DNAH5: variants seen among roughly 807,000 people sequenced by gnomAD.
DNAH5 encodes axonemal beta dynein heavy chain 5.
Under a neutral mutation model 518.2 loss-of-function variants are expected in DNAH5, and 372 were observed. The observed-to-expected ratio is 0.72, with a 90% CI of 0.66 to 0.78. The LOEUF (loss-of-function observed/expected upper bound fraction) is 0.78. Ranked by LOEUF, DNAH5 falls within the 30% of genes least tolerant of loss-of-function variation. The pLI, the probability that DNAH5 is intolerant of heterozygous loss-of-function variation, is 0.00. For missense variants in DNAH5, 5,523 were observed against 5,687.0 expected (o/e 0.97, Z 0.93); for synonymous variants, 2,039 against 2,025.9 (o/e 1.01, Z -0.17).
At chr5:13,971,342 G>C (rs1258291896) in intron 1 of DNAH5, among the ~76,000 whole-genome samples, 1 of 152,142 alleles carries the variant, frequency 6.6e-6, no homozygotes, top group Non-Finnish European at 1.5e-5. Flanking sequence ...GGGTGTTAAA[G>C]AAACTTGTTT....
intron 47 of DNAH5, among the ~76,000 whole-genome samples, chr5:13,803,604 T>C (rs948411956): frequency 6.6e-6 from 1 of 152,188 alleles, no homozygotes; most frequent in African/African-American, 2.4e-5. Flanking sequence ...AGTACATCAG[T>C]CTTAACCGTA....
At chr5:13,807,549 T>C (rs369811235) in intron 47 of DNAH5, 42 bp downstream of exon 47, 174 of 1,601,868 alleles carry the variant, frequency 1.1e-4, no homozygotes, top group Middle Eastern at 3.3e-4. Context: ...CCAAAGTTTA[T>C]CACAAAATTG....
chr5:13,969,683 T>C (rs1198121967), intron 1 of DNAH5, among the ~76,000 whole-genome samples: 3 of 152,216 alleles, frequency 2.0e-5, no homozygotes, highest in East Asian at 3.8e-4. Context: ...CTTGATATAA[T>C]TTCAATTTTC....
intron 38 of DNAH5, among the ~76,000 whole-genome samples, chr5:13,829,137 T>C (rs943718392): frequency 1.3e-5 from 2 of 152,156 alleles, no homozygotes; most frequent in African/African-American, 2.4e-5. Context: ...CTTGGTCAAA[T>C]ACTCAAGTGA....
At chr5:13,815,267 G>A (rs1449236002) in intron 42 of DNAH5, among the ~76,000 whole-genome samples, 1 of 152,146 alleles carries the variant, frequency 6.6e-6, no homozygotes, top group East Asian at 1.9e-4. Context: ...TAAGGTGGTC[G>A]ATAAGATATT....
rs751527856 is a variant in DNAH5 at position 13,913,928 on chromosome 5, G to A, written c.1351C>T (p.Gln451Ter). Residue 451 changes from glutamine (Q) to a stop codon, truncating the protein, a stop_gained, in exon 11 of 79, where the codon CAA becomes TAA. Transcript: ENST00000265104. LOFTEE classifies it high-confidence loss of function. ...EYQLCFHKTK[Q>*]KLKQNPNAKQ... ...GCATTTGGATTTTGTTTAAGCTTTT[G>A]TTTTGTCTTGTGAAAGCAGAGCTGG... 1.2e-6 allele frequency: 2 copies of A among 1,613,188 alleles called. No homozygotes were observed. Among genetic ancestry groups the A allele is most frequent in the Admixed American group, 3.3e-5 (2 of 59,996 alleles).
At position 13,778,596 on chromosome 5, in the gene DNAH5, A is replaced by AAGAGAGAGAG. The variant is rs199841746; in HGVS notation, c.8952-1251_8952-1242dup. ...AAAGAAAGAAAGAAAGAAAGAAAGAAAGAGAGAGAGAAAGAAAAAGAAAGA... is the reference window on the plus strand; with the variant it reads ...AAAGAAAGAAAGAAAGAAAGAAAGAAAGAGAGAGAGAGAGAGAGAGAAAGAAAAAGAAAGA... On this transcript the variant is annotated intron_variant, in intron 53 of 78. Transcript: ENST00000265104. 1.2e-3 allele frequency among the ~76,000 whole-genome samples: 118 copies of AAGAGAGAGAG among 102,216 alleles called. 3 individuals are homozygous for AAGAGAGAGAG. Among genetic ancestry groups the AAGAGAGAGAG allele is most frequent in the East Asian group, 3.9e-3 (14 of 3,636 alleles). 67.1% of individuals were successfully genotyped at this position (102,216 alleles called of 152,430 possible). A position where few individuals can be genotyped will look rare whatever the true frequency, so the allele number is the denominator to read the frequency against.
Position 13,829,604 on chromosome 5 carries a change from A to G in DNAH5, c.6350T>C (p.Val2117Ala). ...MVPDRQIIIR[V>A]KLASCGFIDN... Reference sequence around the variant, plus strand: ...AATGAAGCCACAACTAGCCAACTTCACCCTTATGATAATCTGACGGTCAGG... The same window carrying G: ...AATGAAGCCACAACTAGCCAACTTCGCCCTTATGATAATCTGACGGTCAGG... The change falls in exon 38 of 79, where the codon GTG becomes GCG. Residue 2117 changes from valine (V) to alanine (A), a missense_variant. Physicochemically the swap from Val to Ala is moderately conservative, Grantham distance 64. Transcript: ENST00000265104. The G allele has an allele frequency of 6.2e-7, 1 of 1,614,174 alleles. No individual in the cohort carries two copies.
intron 2 of DNAH5, among the ~76,000 whole-genome samples, chr5:13,930,692 A>C (rs1311500030): frequency 6.6e-6 from 1 of 152,194 alleles, no homozygotes; most frequent in East Asian, 1.9e-4. Context: ...GGAACAAAAG[A>C]AAGCAGGTTC....
At chr5:13,821,481 G>A (rs1474099416) in intron 40 of DNAH5, among the ~76,000 whole-genome samples, 1 of 152,116 alleles carries the variant, frequency 6.6e-6, no homozygotes, top group Admixed American at 6.5e-5. Context: ...CATGATGGAA[G>A]GGATGCTATT....
chr5:13,961,318 C>T (rs769967685), intron 1 of DNAH5, among the ~76,000 whole-genome samples: 15 of 152,170 alleles, frequency 9.9e-5, no homozygotes, highest in Non-Finnish European at 1.5e-4. Flanking sequence ...TGTTCCTATT[C>T]CCATTTTCCA....
At chr5:13,974,162 G>T (rs1187565945) in intron 1 of DNAH5, among the ~76,000 whole-genome samples, 1 of 147,800 alleles carries the variant, frequency 6.8e-6, no homozygotes, top group Non-Finnish European at 1.5e-5. Context: ...TTTAGACAGG[G>T]CCTCACTCTG....
At chr5:13,708,547 G>A (rs1341951090) in intron 75 of DNAH5, among the ~76,000 whole-genome samples, 2 of 152,036 alleles carry the variant, frequency 1.3e-5, no homozygotes, top group African/African-American at 4.8e-5. Context: ...ATGCCATGTG[G>A]GAAGGAACAG....
rs181614509 is a variant in DNAH5, at chr5:14,007,747, C to T, written c.12+3901G>A. 3.0e-4 allele frequency among the ~76,000 whole-genome samples: 45 copies of T among 152,260 alleles called. 2 individuals are homozygous for T. In the East Asian group the frequency reaches 8.1e-3, roughly 27 times the overall value. On this transcript the variant is annotated intron_variant, in intron 1 of 78. Transcript: ENST00000681290. ...CTGTAAGTTACCCAAAAACAGTGGA[C>T]AGCGGTCACAATTTGTTCATCTCAT...
intron 3 of DNAH5, 81 bp downstream of exon 3, chr5:13,928,013 C>A: frequency 8.0e-7 from 1 of 1,252,958 alleles, no homozygotes; most frequent in Middle Eastern, 1.9e-4. Flanking sequence ...GGTCCGTTCT[C>A]ACAGTAGCTT....
intron 35 of DNAH5, among the ~76,000 whole-genome samples, chr5:13,838,413 G>T (rs934517433): frequency 6.6e-6 from 1 of 152,104 alleles, no homozygotes; most frequent in Non-Finnish European, 1.5e-5. Context: ...TCACATAACC[G>T]CCTGAGCTCT....
intron 50 of DNAH5, 130 bp from the exon 51 acceptor site, chr5:13,789,044 A>C (rs1756528760): frequency 1.3e-6 from 1 of 787,152 alleles, no homozygotes; most frequent in African/African-American, 1.7e-5. Context: ...TAGGGTTCAA[A>C]TATGCTCAAC....
rs1407127938 is a variant in DNAH5 at position 13,780,933 on chromosome 5, C to A, written c.8847G>T (p.Gln2949His). 1 of 1,613,762 alleles carries A rather than the reference C, an allele frequency of 6.2e-7. No individual in the cohort carries two copies. The highest frequency in any genetic ancestry group is 1.7e-5 in the Admixed American group (1 of 59,992). Residue 2949 changes from glutamine (Q) to histidine (H), a missense_variant, in exon 53 of 79, where the codon CAG becomes CAT. Gln to His is a conservative substitution (Grantham distance 24). Around this residue, in one of 3 missense-constraint regions of DNAH5, gnomAD observed 5,121 missense variants for 5,223.3 expected, o/e 0.98. Transcript: ENST00000265104. ...CCACCCCGACCAGGAGGGCATTTCC[C>A]TGAGGAGTACGAATGACACGAGAGA... ...VKISRVIRTP[Q>H]GNALLVGVGG...
chr5:13,960,843 C>T (rs1439700590), intron 1 of DNAH5, among the ~76,000 whole-genome samples: 5 of 152,222 alleles, frequency 3.3e-5, no homozygotes, highest in Non-Finnish European at 5.9e-5. Flanking sequence ...TAGGTGCCCA[C>T]GTGTGCCCAC....
Sources: gnomAD v4.1 joint callset for allele counts (sites outside exome capture counted in the v4.1 genomes callset) on GRCh38, gnomAD v4.1.1 for gene constraint, gnomAD v4.1.1 regional missense constraint, MANE v1.5 for transcripts, NCBI Gene and HGNC (gene_info 2026-07-23, HGNC 2026-07-21) for gene names.